Variants in MPND observed in about 807,000 individuals in gnomAD.
MPND encodes the protein MPN domain containing.
In MPND, 56 loss-of-function variants were observed where a neutral mutation model predicts 59.2. That is an observed-to-expected ratio of 0.95 (90% CI 0.76 to 1.18). The LOEUF (loss-of-function observed/expected upper bound fraction) is 1.18. Ranked by LOEUF, MPND falls within the 50% of genes most tolerant of loss-of-function variation. The pLI is 0.00. For synonymous variants in MPND, 323 were observed against 291.9 expected, an observed-to-expected ratio of 1.11 and a Z score of -1.09; for missense variants, 671 against 676.0, an observed-to-expected ratio of 0.99 and a Z score of 0.08.
At chr19:4,345,664 C>T (rs897635939) in intron 2 of MPND, 81 bp from the exon 3 acceptor site, 39 of 1,306,554 alleles carry the variant, frequency 3.0e-5, no homozygotes, top group Admixed American at 3.9e-5. Context: ...CCTGAGGGAG[C>T]GTAGGTCTGG....
chr19:4,352,432 C>A (rs953412596), intron 3 of MPND, among the ~76,000 whole-genome samples: 1 of 151,818 alleles, frequency 6.6e-6, no homozygotes, highest in Non-Finnish European at 1.5e-5. Flanking sequence ...CGCCTGTAAT[C>A]CCAGCACTTT....
rs536732047 is a variant in MPND at position 4,346,654 on chromosome 19, C to T, written c.531+673C>T. Among the ~76,000 whole-genome samples the T allele has an allele frequency of 3.9e-5, 6 of 152,232 alleles. No homozygotes were observed. The South Asian group carries it at 8.3e-4, about 21-fold the overall frequency. On this transcript the variant is annotated intron_variant, in intron 3 of 12. Transcript: ENST00000599840. ...CTGGTCTCAAACTCCTGGCCTCCAG[C>T]AATCCTCCCACCTGGACTTCCCAAA...
chr19:4,357,003 G>C, intron 8 of MPND: 1 of 403,900 alleles, frequency 2.5e-6, no homozygotes, highest in Admixed American at 4.3e-5. Context: ...CTGGGCTACA[G>C]CAGTGAACAA....
Position 4,345,782 on chromosome 19 carries a change from G to C in MPND, c.332G>C (p.Arg111Thr). ...CTGGGCGACCTGCAGCCAGACGGAA[G>C]GATCATGTGGCAGGAGACCGGGCAG... ...KFLGDLQPDG[R>T]IMWQETGQTF... Residue 111 changes from arginine to threonine, a missense_variant, in exon 3 of 13, where the codon AGG becomes ACG. Physicochemically the swap from Arg to Thr is moderately conservative, Grantham distance 71. Coordinates refer to ENST00000599840, the MANE Select transcript of MPND (RefSeq NM_001300862.2). 6.2e-7 allele frequency: 1 copy of C among 1,614,010 alleles called. No individual in the cohort carries two copies. The highest frequency in any genetic ancestry group is 8.5e-7 in the Non-Finnish European group (1 of 1,180,008).
chr19:4,344,056 G>T, intron 2 of MPND, 62 bp downstream of exon 2: 6 of 1,170,680 alleles, frequency 5.1e-6, no homozygotes, highest in Non-Finnish European at 6.5e-6. Context: ...CTGAGGCCTG[G>T]AGTTCCCTTG....
At chr19:4,352,820 G>A in intron 3 of MPND, 77 bp from the exon 4 acceptor site, 1 of 1,289,204 alleles carries the variant, frequency 7.8e-7, no homozygotes, top group Non-Finnish European at 9.9e-7. Context: ...CCAAAGGGCT[G>A]GGGTGGGATT....
intron 4 of MPND, among the ~76,000 whole-genome samples, chr19:4,353,507 A>T (rs1243806936): frequency 6.6e-6 from 1 of 152,100 alleles, no homozygotes; most frequent in African/African-American, 2.4e-5. Context: ...ACCTCAGGTG[A>T]TCCACCTGCC....
Position 4,358,471 on chromosome 19 carries a change from T to C in MPND, c.1326+299T>C, listed in dbSNP as rs550147373. Reference sequence around the variant, plus strand: ...TGGTAACTGGATGAACACTTAAAAATTGTGTGTTCAACATGCATTTAAAAC... The same window carrying C: ...TGGTAACTGGATGAACACTTAAAAACTGTGTGTTCAACATGCATTTAAAAC... On this transcript the variant is annotated intron_variant, in intron 11 of 12. Coordinates refer to ENST00000599840, the MANE Select transcript of MPND (RefSeq NM_001300862.2). The C allele has an allele frequency of 1.2e-5, 5 of 404,222 alleles. No homozygotes were observed. The South Asian group carries it at 1.5e-4, about 12-fold the overall frequency. 25.0% of individuals were successfully genotyped at this position (404,222 alleles called of 1,614,324 possible).
At chr19:4,351,199 G>A (rs1422478758) in intron 3 of MPND, among the ~76,000 whole-genome samples, 1 of 152,184 alleles carries the variant, frequency 6.6e-6, no homozygotes, top group African/African-American at 2.4e-5. Flanking sequence ...CGCCTCCCGG[G>A]TTCAAGTGAT....
chr19:4,344,002 C>T lies in MPND; in HGVS notation c.294+8C>T. 1 of 1,317,566 alleles carries T rather than the reference C, an allele frequency of 7.6e-7. No homozygotes were observed. Among genetic ancestry groups the T allele is most frequent in the Non-Finnish European group, 9.7e-7 (1 of 1,036,266 alleles). The allele number at this position is 1,317,566 out of a possible 1,614,324, so 81.6% of individuals were successfully genotyped here. Reference sequence around the variant, plus strand: ...CTGTCCATCTACTACCTGGTGAGCACCCCGCCTCCCTCGTCCCATCGCGGC... The same window carrying T: ...CTGTCCATCTACTACCTGGTGAGCATCCCGCCTCCCTCGTCCCATCGCGGC... On this transcript the variant is annotated splice_region_variant and intron_variant, in intron 2 of 12. Transcript: ENST00000599840.
chr19:4,347,702 C>A (rs1023943424), intron 3 of MPND: 4 of 653,720 alleles, frequency 6.1e-6, no homozygotes, highest in African/African-American at 5.7e-5. Context: ...CTACTCATTG[C>A]AAGGAAATCC....
At position 4,349,461 on chromosome 19, in the gene MPND, T is replaced by C. The variant is rs73539212; in HGVS notation, c.532-3436T>C. On this transcript the variant is annotated intron_variant, in intron 3 of 12. Coordinates refer to ENST00000599840, the MANE Select transcript of MPND (RefSeq NM_001300862.2). ...GTGGGAGGGATGGAGCGTCAGGAAGTGAGGGTGCTCAACGGGAGGCTGCCG... is the reference window on the plus strand; with the variant it reads ...GTGGGAGGGATGGAGCGTCAGGAAGCGAGGGTGCTCAACGGGAGGCTGCCG... Among the ~76,000 whole-genome samples, 1,476 of 151,122 alleles carry C rather than the reference T, an allele frequency of 9.8e-3. 20 individuals are homozygous for C. Among genetic ancestry groups the C allele is most frequent in the African/African-American group, 0.034 (1,390 of 41,226 alleles).
intron 3 of MPND, among the ~76,000 whole-genome samples, chr19:4,346,837 C>T (rs1172629722): frequency 1.3e-5 from 2 of 151,758 alleles, no homozygotes; most frequent in African/African-American, 4.8e-5. Context: ...CCAGACCAGC[C>T]TGGCCAACAT....
chr19:4,351,880 A>AAAAAAAG (rs1445343297), intron 3 of MPND, among the ~76,000 whole-genome samples: 2 of 149,482 alleles, frequency 1.3e-5, no homozygotes, highest in Non-Finnish European at 3.0e-5. Context: ...AAAAAAAAAA[A>AAAAAAAG]GAATAGAGTT....
At chr19:4,355,850 G>C (rs1013647481) in intron 8 of MPND, among the ~76,000 whole-genome samples, 10 of 130,246 alleles carry the variant, frequency 7.7e-5, no homozygotes, top group African/African-American at 2.7e-4. Context: ...GAGCCACTGC[G>C]CCCGGCCTTT....
At position 4,354,315 on chromosome 19, in the gene MPND, C is replaced by T; in HGVS notation, c.750-9C>T. On this transcript the variant is annotated splice_polypyrimidine_tract_variant and intron_variant, in intron 5 of 12. Transcript: ENST00000599840. ...TCCTGAGACTGTGCGACCCTCCTGG[C>T]CCCTACAGGAACCCCCACACCCTGG... 3.2e-6 allele frequency: 5 copies of T among 1,554,318 alleles called. No individual in the cohort carries two copies. Among genetic ancestry groups the T allele is most frequent in the Non-Finnish European group, 4.4e-6 (5 of 1,147,952 alleles).
intron 11 of MPND, 27 bp downstream of exon 11, chr19:4,358,199 A>AG: frequency 6.5e-7 from 1 of 1,538,624 alleles, no homozygotes; most frequent in Non-Finnish European, 8.8e-7. Context: ...GCGGGCAGGC[A>AG]GGGGCTGGCA....
Position 4,354,075 on chromosome 19 carries a change from G to A in MPND, c.695G>A (p.Ser232Asn). 6.2e-7 allele frequency: 1 copy of A among 1,613,404 alleles called. No homozygotes were observed. Among genetic ancestry groups the A allele is most frequent in the Non-Finnish European group, 8.5e-7 (1 of 1,179,408 alleles). The change falls in exon 5 of 13, where the codon AGC becomes AAC. Residue 232 changes from serine to asparagine, a missense_variant. By Grantham distance (46) the Ser-to-Asn change is conservative. Coordinates refer to ENST00000599840, the MANE Select transcript of MPND (RefSeq NM_001300862.2). Reference sequence around the variant, plus strand: ...ACAACCCCAGGGAAGCGGGTGGACAGCAAGATCCGGGTTCCGGTCCGCTAC... The same window carrying A: ...ACAACCCCAGGGAAGCGGGTGGACAACAAGATCCGGGTTCCGGTCCGCTAC... ...EATTPGKRVD[S>N]KIRVPVRYCM... is the part of the protein sequence containing the mutation.
In MPND at chr19:4,357,441, G is replaced by C. The variant is rs781385692; in HGVS notation, c.1165+20G>C. On this transcript the variant is annotated intron_variant, in intron 9 of 12. Coordinates refer to ENST00000599840, the MANE Select transcript of MPND (RefSeq NM_001300862.2). Reference sequence around the variant, plus strand: ...TCTGCTGTACGCGGGATGGGGCTGTGGGGGGAGCAAGGAGGGGGGATGCTG... The same window carrying C: ...TCTGCTGTACGCGGGATGGGGCTGTCGGGGGAGCAAGGAGGGGGGATGCTG... 10 of 1,609,878 alleles carry C rather than the reference G, an allele frequency of 6.2e-6. No homozygotes were observed. The highest frequency in any genetic ancestry group is 3.3e-5 in the South Asian group (3 of 90,664).
Sources: allele counts gnomAD v4.1 joint callset (sites outside exome capture counted in the v4.1 genomes callset), GRCh38; gene constraint gnomAD v4.1.1; transcripts MANE v1.5; gene names NCBI Gene and HGNC (gene_info 2026-07-23, HGNC 2026-07-21).